Variants in PLEKHA8 observed in about 807,000 individuals in gnomAD.
PLEKHA8 encodes pleckstrin homology domain containing A8.
A neutral mutation model predicts 68.2 loss-of-function variants in PLEKHA8; 36 were observed. That is an observed-to-expected ratio of 0.53 (90% CI 0.40 to 0.70). The LOEUF is 0.70. PLEKHA8 is among the 30% of genes least tolerant of loss of function. The pLI, the probability that PLEKHA8 is intolerant of heterozygous loss-of-function variation, is 0.00. For synonymous variants in PLEKHA8, 211 were observed against 216.1 expected (o/e 0.98, Z 0.20); for missense variants, 505 against 615.4 (o/e 0.82, Z 1.90).
At chr7:30,067,091 C>A (rs969569734) in intron 12 of PLEKHA8, among the ~76,000 whole-genome samples, 2 of 152,226 alleles carry the variant, frequency 1.3e-5, no homozygotes, top group African/African-American at 4.8e-5. Context: ...CAAAGGGCAT[C>A]TCTGGGTGCT....
chr7:30,078,839 T>C lies in PLEKHA8; in HGVS notation c.*52T>C. ...TCAGGGAATAAGTGCTAAAGTGTTT[T>C]GTTGCCCTACTTAATTTCCAGCAAC... On this transcript the variant is annotated 3_prime_UTR_variant, in exon 14 of 14. Coordinates refer to ENST00000449726, the MANE Select transcript of PLEKHA8 (RefSeq NM_001197026.2). 6.4e-7 allele frequency: 1 copy of C among 1,574,264 alleles called. No individual in the cohort carries two copies. Among genetic ancestry groups the C allele is most frequent in the Admixed American group, 1.8e-5 (1 of 54,972 alleles).
chr7:30,098,544 C>T (rs1201235247), intron 13 of PLEKHA8, among the ~76,000 whole-genome samples: 1 of 152,250 alleles, frequency 6.6e-6, no homozygotes, highest in Non-Finnish European at 1.5e-5. Context: ...GGTGCCCGTC[C>T]CCCAGCCTCG....
At position 30,046,636 on chromosome 7, in the gene PLEKHA8, T is replaced by C. The variant is rs533135617; in HGVS notation, c.313+271T>C. Among the ~76,000 whole-genome samples, 5 of 152,304 alleles carry C rather than the reference T, an allele frequency of 3.3e-5. No homozygotes were observed. In the East Asian group the frequency reaches 9.6e-4, roughly 29 times the overall value. On this transcript the variant is annotated intron_variant, in intron 3 of 13. Transcript: ENST00000449726. ...ATTGACTGTATAACCTTGGCATCGG[T>C]CACTTAACCTTTCTTACTCTTAGTT... is the stretch of plus-strand genomic sequence containing the variant.
chr7:30,068,289 G>T (rs1346759466), intron 12 of PLEKHA8, among the ~76,000 whole-genome samples: 1 of 152,210 alleles, frequency 6.6e-6, no homozygotes, highest in East Asian at 1.9e-4. Flanking sequence ...TGGAATGGCT[G>T]AACCACATGA....
intron 1 of PLEKHA8, 121 bp downstream of exon 1, chr7:30,028,923 G>A: frequency 3.7e-6 from 4 of 1,094,456 alleles, no homozygotes; most frequent in Non-Finnish European, 4.6e-6. Flanking sequence ...GGCCAGCGCG[G>A]AGCGGGAGTA....
At position 30,046,350 on chromosome 7, in the gene PLEKHA8, A is replaced by T; in HGVS notation, c.298A>T (p.Thr100Ser). 6.2e-7 allele frequency: 1 copy of T among 1,608,474 alleles called. No homozygotes were observed. The highest frequency in any genetic ancestry group is 8.5e-7 in the Non-Finnish European group (1 of 1,177,626). Reference protein sequence around the residue: ...SAKACLTDSRTQKEKEFAENT... With the variant: ...SAKACLTDSRSQKEKEFAENT... The stretch of plus-strand genomic sequence containing the variant: ...CAAGGCTTGCCTGACTGACAGTAGG[A>T]CCCAGAAGGAGAAAGGCAAGTACTG... The change falls in exon 3 of 14, where the codon ACC (threonine) becomes TCC (serine). Residue 100 changes from threonine to serine, a missense_variant. By Grantham distance (58) the Thr-to-Ser change is moderately conservative. Transcript: ENST00000449726.
chr7:30,074,246 T>G (rs911691082), intron 13 of PLEKHA8, 114 bp downstream of exon 13: 13 of 487,884 alleles, frequency 2.7e-5, no homozygotes, highest in Admixed American at 6.9e-5. Context: ...AGAAACAAAG[T>G]TGTGTGTGTG....
exon 13 of PLEKHA8, chr7:30,090,322 C>A: frequency 3.1e-6 from 3 of 981,970 alleles, no homozygotes; most frequent in South Asian, 1.9e-5. Flanking sequence ...GGAGTATTTC[C>A]GAAGTTCTGA....
Position 30,081,843 on chromosome 7 carries a change from T to A in PLEKHA8, c.*3056T>A, listed in dbSNP as rs897642087. The A allele has an allele frequency of 2.0e-6, 2 of 985,320 alleles. No individual in the cohort carries two copies. Among genetic ancestry groups the A allele is most frequent in the Non-Finnish European group, 2.4e-6 (2 of 829,904 alleles). 61.0% of individuals were successfully genotyped at this position (985,320 alleles called of 1,614,324 possible). ...CTTTTCTCTATGGTAAAAGCCAGTG[T>A]TTACACTTTGTAGGGATCAGGGTGT... On this transcript the variant is annotated 3_prime_UTR_variant, in exon 14 of 14. Coordinates refer to ENST00000449726, the MANE Select transcript of PLEKHA8 (RefSeq NM_001197026.2).
chr7:30,055,240 A>G lies in PLEKHA8; in HGVS notation c.954-17A>G, dbSNP rs368279675. On this transcript the variant is annotated splice_polypyrimidine_tract_variant and intron_variant, in intron 8 of 13. Transcript: ENST00000449726. ...GTATTTTCAATCTTTTCTCCTCCAT[A>G]TCACCAAATTATGTAGCTTTAGTGA... 1.2e-5 allele frequency: 20 copies of G among 1,609,654 alleles called. No homozygotes were observed. Among genetic ancestry groups the G allele is most frequent in the Admixed American group, 1.0e-4 (6 of 60,006 alleles).
At chr7:30,118,692 C>T (rs925164019) in intron 13 of PLEKHA8, among the ~76,000 whole-genome samples, 14 of 152,148 alleles carry the variant, frequency 9.2e-5, no homozygotes, top group Admixed American at 9.2e-4. Context: ...ATTCTCCTGC[C>T]TCAGCCTCCC....
chr7:30,068,685 C>T (rs1004891168), intron 12 of PLEKHA8, among the ~76,000 whole-genome samples: 3 of 152,098 alleles, frequency 2.0e-5, no homozygotes, highest in African/African-American at 4.8e-5. Context: ...CTGTGGCTTG[C>T]GTTTGCTCTT....
At chr7:30,065,582 G>T (rs1793788967) in intron 12 of PLEKHA8, among the ~76,000 whole-genome samples, 1 of 152,110 alleles carries the variant, frequency 6.6e-6, no homozygotes, top group South Asian at 2.1e-4. Context: ...TTCATAAGTA[G>T]AACTGATACC....
downstream of PLEKHA8, chr7:30,084,734 T>C: frequency 1.4e-6 from 1 of 714,930 alleles, no homozygotes; most frequent in Non-Finnish European, 1.7e-6. Context: ...ACACATGACT[T>C]GCTGGGCATC....
chr7:30,105,370 G>T (rs1796020324), intron 13 of PLEKHA8, among the ~76,000 whole-genome samples: 1 of 149,654 alleles, frequency 6.7e-6, no homozygotes, highest in Non-Finnish European at 1.5e-5. Context: ...TATAGTTCCA[G>T]GTACTCAGGA....
At chr7:30,053,560 G>A (rs1171163419) in intron 7 of PLEKHA8, among the ~76,000 whole-genome samples, 1 of 152,182 alleles carries the variant, frequency 6.6e-6, no homozygotes. Flanking sequence ...GTTAATCTGA[G>A]AGAGACAATC....
intron 9 of PLEKHA8, among the ~76,000 whole-genome samples, chr7:30,058,989 C>T (rs116707351): frequency 0.012 from 1,773 of 152,258 alleles, 32 homozygotes; most frequent in African/African-American, 0.04. Flanking sequence ...GGTGTGATGG[C>T]GCAAGCCTGT....
intron 12 of PLEKHA8, chr7:30,072,118 T>G (rs1341869705): frequency 6.6e-6 from 1 of 152,236 alleles, no homozygotes; most frequent in Non-Finnish European, 1.5e-5. Context: ...TTACTCAGAC[T>G]GTTCTCCTAA....
rs1794916996 is a variant in PLEKHA8 at position 30,081,283 on chromosome 7, A to G, written c.*2496A>G. The G allele has an allele frequency of 1.0e-6, 1 of 985,376 alleles. No homozygotes were observed. Among genetic ancestry groups the G allele is most frequent in the South Asian group, 4.7e-5 (1 of 21,286 alleles). The allele number at this position is 985,376 out of a possible 1,614,324, so 61.0% of individuals were successfully genotyped here. A position where few individuals can be genotyped will look rare whatever the true frequency, so the allele number is the denominator to read the frequency against. Reference sequence around the variant, plus strand: ...ATAGGTATTTTCCCCACTGGAGCATATTACGTTTGCCTAAGATGTATAAAA... The same window carrying G: ...ATAGGTATTTTCCCCACTGGAGCATGTTACGTTTGCCTAAGATGTATAAAA... On this transcript the variant is annotated 3_prime_UTR_variant, in exon 14 of 14. Transcript: ENST00000449726.
Sources: allele counts gnomAD v4.1 joint callset (sites outside exome capture counted in the v4.1 genomes callset), GRCh38; gene constraint gnomAD v4.1.1; transcripts MANE v1.5; gene names NCBI Gene and HGNC (gene_info 2026-07-23, HGNC 2026-07-21).